NCEH1: variants seen among roughly 807,000 people sequenced by gnomAD.
NCEH1 encodes the protein 2-acetyl MAGE hydrolase.
Under a neutral mutation model 25.4 loss-of-function variants are expected in NCEH1, and 9 were observed. That is an observed-to-expected ratio of 0.35 (90% CI 0.21 to 0.62). The LOEUF is 0.62. NCEH1 is among the 20% of genes least tolerant of loss of function. The pLI is 0.72. For missense variants in NCEH1, 412 were observed against 501.1 expected, an observed-to-expected ratio of 0.82 and a Z score of 1.70; for synonymous variants, 200 against 199.8, an observed-to-expected ratio of 1.00 and a Z score of -0.01.
chr3:172,641,335 G>A (rs1409350898), intron 3 of NCEH1, among the ~76,000 whole-genome samples: 5 of 152,146 alleles, frequency 3.3e-5, no homozygotes, highest in Admixed American at 6.5e-5. Context: ...TAGCTTTTAC[G>A]TAGGTTTTGT....
chr3:172,673,554 T>C (rs1711770766), intron 1 of NCEH1, among the ~76,000 whole-genome samples: 1 of 152,260 alleles, frequency 6.6e-6, no homozygotes, highest in Admixed American at 6.5e-5. Context: ...GAAAGGCATT[T>C]TCTTAACACT....
intron 1 of NCEH1, among the ~76,000 whole-genome samples, chr3:172,661,631 G>C (rs112214710): frequency 1.3e-5 from 2 of 152,010 alleles, no homozygotes; most frequent in African/African-American, 4.8e-5. Flanking sequence ...ATTTGTTTGT[G>C]TCCTCTTTTA....
At chr3:172,679,854 A>G (rs1712243590) in intron 1 of NCEH1, among the ~76,000 whole-genome samples, 1 of 152,054 alleles carries the variant, frequency 6.6e-6, no homozygotes, top group Non-Finnish European at 1.5e-5. Context: ...CAAACATCAT[A>G]GTGAACCACC....
rs1337771466 is a variant in NCEH1, at chr3:172,633,253, G to A, written c.*222C>T. ...CTAAGATAACAAGAACAGAGAGATTGGCCCACTCTGGGAACCAAATTTACA... is the reference window on the plus strand; with the variant it reads ...CTAAGATAACAAGAACAGAGAGATTAGCCCACTCTGGGAACCAAATTTACA... On this transcript the variant is annotated 3_prime_UTR_variant, in exon 5 of 5. Transcript: ENST00000475381. 9.3e-6 allele frequency: 5 copies of A among 539,574 alleles called. No homozygotes were observed. The highest frequency in any genetic ancestry group is 1.7e-5 in the Non-Finnish European group (5 of 301,700). 33.4% of individuals were successfully genotyped at this position (539,574 alleles called of 1,614,324 possible).
chr3:172,645,959 T>C (rs1056589817), intron 2 of NCEH1, among the ~76,000 whole-genome samples: 1 of 152,246 alleles, frequency 6.6e-6, no homozygotes, highest in East Asian at 1.9e-4. Flanking sequence ...TAACGGACTA[T>C]ATGAAATGCA....
chr3:172,654,610 T>C (rs984277593), intron 1 of NCEH1, among the ~76,000 whole-genome samples: 8 of 152,214 alleles, frequency 5.3e-5, no homozygotes, highest in Non-Finnish European at 1.0e-4. Flanking sequence ...TGTATGGTCA[T>C]ATTGAAGGGG....
chr3:172,646,257 A>G (rs1282499376), intron 2 of NCEH1, among the ~76,000 whole-genome samples: 1 of 152,182 alleles, frequency 6.6e-6, no homozygotes, highest in Non-Finnish European at 1.5e-5. Context: ...TGGGAGGCTG[A>G]GGAAGGGGGA....
chr3:172,644,077 T>TAGGGCTTTTGGGTGACTGC (rs546636693), intron 3 of NCEH1, among the ~76,000 whole-genome samples: 12 of 151,958 alleles, frequency 7.9e-5, no homozygotes, highest in Middle Eastern at 3.4e-3. Flanking sequence ...GTCTGGACTC[T>TAGGGCTTTTGGGTGACTGC]AGGGCTTTTG....
chr3:172,665,241 T>A (rs184532680), intron 1 of NCEH1, among the ~76,000 whole-genome samples: 6 of 152,308 alleles, frequency 3.9e-5, no homozygotes, highest in Non-Finnish European at 1.5e-5. Context: ...TCTGTTGGAG[T>A]TCGCTGGAGG....
Position 172,631,488 on chromosome 3 carries a change from G to A in NCEH1, c.*1987C>T, listed in dbSNP as rs1435270350. 6.6e-6 allele frequency: 1 copy of A among 152,422 alleles called. No homozygotes were observed. The highest frequency in any genetic ancestry group is 6.6e-5 in the Admixed American group (1 of 15,244). 9.4% of individuals were successfully genotyped at this position (152,422 alleles called of 1,614,324 possible). ...ACATAAGGAGAGGCCAATATAATTT[G>A]CCAGTCTGACAAGACAGTTGGTATT... On this transcript the variant is annotated 3_prime_UTR_variant, in exon 5 of 5. Transcript: ENST00000475381.
At chr3:172,675,258 A>C (rs1711901706) in intron 1 of NCEH1, among the ~76,000 whole-genome samples, 1 of 151,938 alleles carries the variant, frequency 6.6e-6, no homozygotes, top group African/African-American at 2.4e-5. Flanking sequence ...AACTGAGATC[A>C]CACCACTGCA....
At chr3:172,698,878 G>A (rs533009850) in intron 1 of NCEH1, among the ~76,000 whole-genome samples, 34 of 152,290 alleles carry the variant, frequency 2.2e-4, no homozygotes, top group South Asian at 2.1e-4. Context: ...CGACAGACGC[G>A]GTAACACAGT....
At position 172,648,000 on chromosome 3, in the gene NCEH1, T is replaced by G; in HGVS notation, c.253A>C (p.Thr85Pro). The G allele has an allele frequency of 6.2e-7, 1 of 1,614,206 alleles. No individual in the cohort carries two copies. Among genetic ancestry groups the G allele is most frequent in the Non-Finnish European group, 8.5e-7 (1 of 1,180,036 alleles). Residue 85 changes from threonine (T) to proline (P), a missense_variant, in exon 2 of 5, where the codon ACA becomes CCA. Transcript: ENST00000475381. ...WSSAQVKVTD[T>P]DFDGVEVRVF... ...CTGACTTCCACACCATCAAAGTCTG[T>G]GTCGGTCACCTTCACTTGGGCAGAA...
At chr3:172,634,145 G>A in intron 4 of NCEH1, 53 bp from the exon 5 acceptor site, 1 of 1,542,248 alleles carries the variant, frequency 6.5e-7, no homozygotes, top group Non-Finnish European at 8.8e-7. Flanking sequence ...TTCTTTTATA[G>A]GAACCATACC....
At chr3:172,684,749 G>C (rs1712603810) in intron 1 of NCEH1, among the ~76,000 whole-genome samples, 1 of 152,206 alleles carries the variant, frequency 6.6e-6, no homozygotes, top group South Asian at 2.1e-4. Flanking sequence ...GGGAGGCAGA[G>C]GCGGGCGGAT....
At position 172,631,979 on chromosome 3, in the gene NCEH1, A is replaced by C. The variant is rs560698224; in HGVS notation, c.*1496T>G. The C allele has an allele frequency of 6.5e-6, 1 of 152,756 alleles. No homozygotes were observed. Among genetic ancestry groups the C allele is most frequent in the Non-Finnish European group, 1.5e-5 (1 of 68,028 alleles). 9.5% of individuals were successfully genotyped at this position (152,756 alleles called of 1,614,324 possible). A position where few individuals can be genotyped will look rare whatever the true frequency, so the allele number is the denominator to read the frequency against. On this transcript the variant is annotated 3_prime_UTR_variant, in exon 5 of 5. Coordinates refer to ENST00000475381, the MANE Select transcript of NCEH1 (RefSeq NM_020792.6). The stretch of plus-strand genomic sequence containing the variant: ...TCAAAGATGTTCCCACTGGCAGTGA[A>C]GACTTTACATGAAGTTAAGCTTGGG...
chr3:172,668,769 A>C (rs1010096827), intron 1 of NCEH1, among the ~76,000 whole-genome samples: 1 of 152,200 alleles, frequency 6.6e-6, no homozygotes, highest in Non-Finnish European at 1.5e-5. Context: ...GCAGGAAAAC[A>C]TAAAACTCTA....
At chr3:172,666,671 T>C (rs1186861043) in intron 1 of NCEH1, among the ~76,000 whole-genome samples, 1 of 152,218 alleles carries the variant, frequency 6.6e-6, no homozygotes, top group African/African-American at 2.4e-5. Flanking sequence ...CAGGAATTCA[T>C]TCATCGGAGC....
intron 1 of NCEH1, among the ~76,000 whole-genome samples, chr3:172,662,140 C>T (rs967233501): frequency 3.3e-5 from 5 of 152,218 alleles, no homozygotes; most frequent in Admixed American, 6.5e-5. Context: ...TGAGTTATGT[C>T]CCACCAATAC....
Sources: gnomAD v4.1 joint callset for allele counts (sites outside exome capture counted in the v4.1 genomes callset) on GRCh38, gnomAD v4.1.1 for gene constraint, MANE v1.5 for transcripts, NCBI Gene and HGNC (gene_info 2026-07-23, HGNC 2026-07-21) for gene names.